SLC23A1: variants seen among roughly 807,000 people sequenced by gnomAD.
SLC23A1 encodes solute carrier family 23 member 1, also known as Na(+)/L-ascorbic acid transporter 1.
SLC23A1 carries 31 observed loss-of-function variants against 62.5 expected under a neutral mutation model. The ratio of observed to expected loss-of-function variants is 0.50; its 90% confidence interval spans 0.37 to 0.67. The LOEUF is 0.67. Ranked by LOEUF, SLC23A1 falls within the 30% of genes least tolerant of loss-of-function variation. The pLI is 0.00. For missense variants in SLC23A1, 640 were observed against 782.7 expected (o/e 0.82, Z 2.18); for synonymous variants, 271 against 313.2 (o/e 0.87, Z 1.42).
rs758944392 is a variant in SLC23A1, at chr5:139,378,695, AG to A, written c.1074-12del. The A allele has an allele frequency of 3.8e-6, 6 of 1,590,758 alleles. No individual in the cohort carries two copies. Among genetic ancestry groups the A allele is most frequent in the Non-Finnish European group, 5.1e-6 (6 of 1,166,012 alleles). On this transcript the variant is annotated splice_polypyrimidine_tract_variant and intron_variant, in intron 9 of 14. Coordinates refer to ENST00000348729, the MANE Select transcript of SLC23A1 (RefSeq NM_005847.5). The surrounding 1 kb of genome is among the most constrained non-coding windows in gnomAD (Gnocchi z 4.5). ...TCGGTGAAGATGCCCCTGTAAGGAA[AG>A]GGAGAGTCGGGGCTTGGTCCAGCCT... is the stretch of plus-strand genomic sequence containing the variant.
In SLC23A1 at chr5:139,383,276, G is replaced by T. The variant is rs1758381306; in HGVS notation, c.-23C>A. 2 of 1,604,548 alleles carry T rather than the reference G, an allele frequency of 1.2e-6. No homozygotes were observed. Among genetic ancestry groups the T allele is most frequent in the South Asian group, 2.2e-5 (2 of 89,092 alleles). On this transcript the variant is annotated 5_prime_UTR_variant, in exon 1 of 15. In the 5' UTR this introduces an upstream ATG that the reference lacks. Coordinates refer to ENST00000348729, the MANE Select transcript of SLC23A1 (RefSeq NM_005847.5). ...CATCTTTGGGGCACAGGTTTGAGCA[G>T]TTCCTGAGGAGAAGAGGGGATGACT...
chr5:139,372,160 A>G lies in SLC23A1; in HGVS notation c.1643T>C (p.Ile548Thr), dbSNP rs771499253. Reference protein sequence around the residue: ...SSSLKSYDFPIGMGIVKRITF... With the variant: ...SSSLKSYDFPTGMGIVKRITF... ...AATTCTTTTTACTATGCCCATCCCA[A>G]TGGGGAAATCGTAGCTCTTGAGGCT... The change falls in exon 14 of 15, where the codon ATT (isoleucine) becomes ACT (threonine). Residue 548 changes from isoleucine (I) to threonine (T), a missense_variant. Physicochemically the swap from Ile to Thr is moderately conservative, Grantham distance 89. Coordinates refer to ENST00000348729, the MANE Select transcript of SLC23A1 (RefSeq NM_005847.5). 17 of 1,613,694 alleles carry G rather than the reference A, an allele frequency of 1.1e-5. No homozygotes were observed. The highest frequency in any genetic ancestry group is 1.3e-5 in the African/African-American group (1 of 75,046).
At chr5:139,383,440 A>C, upstream of SLC23A1, 1 of 1,233,946 alleles carries the variant, frequency 8.1e-7, no homozygotes, top group Non-Finnish European at 1.0e-6. Context: ...AGGACAGTAA[A>C]AGCCACCCAA....
At chr5:139,385,035 G>A (rs1003047112), upstream of SLC23A1, among the ~76,000 whole-genome samples, 24 of 152,122 alleles carry the variant, frequency 1.6e-4, 1 homozygote, top group Admixed American at 1.3e-3. Context: ...CCGCCTCTCC[G>A]GTCCCCTAAG....
In SLC23A1 at chr5:139,382,588, G is replaced by A. The variant is rs1048854593; in HGVS notation, c.54C>T (p.Asp18=). The change falls in exon 2 of 15, where the codon GAC becomes GAT. Residue 18 remains aspartate, a synonymous_variant. Transcript: ENST00000348729. Reference sequence around the variant, plus strand: ...GCTCTGTGGGTAGCGGGGTCGAGGGGTCCCTGGTGGTTTCATGCTGGAGGC... The same window carrying A: ...GCTCTGTGGGTAGCGGGGTCGAGGGATCCCTGGTGGTTTCATGCTGGAGGC... ...EGRTQHETTR[D]PSTPLPTEPK... The A allele has an allele frequency of 6.2e-7, 1 of 1,612,112 alleles. No homozygotes were observed.
At chr5:139,381,151 G>C (rs145166898) in intron 3 of SLC23A1, among the ~76,000 whole-genome samples, 1 of 152,194 alleles carries the variant, frequency 6.6e-6, no homozygotes, top group Non-Finnish European at 1.5e-5. Context: ...GCACCTGCCC[G>C]GAAGTGGACA....
At chr5:139,383,945 G>C (rs1202125285), upstream of SLC23A1, among the ~76,000 whole-genome samples, 1 of 152,232 alleles carries the variant, frequency 6.6e-6, no homozygotes, top group Non-Finnish European at 1.5e-5. Flanking sequence ...TGCAGGCAGA[G>C]CTGCCTAGGC....
intron 13 of SLC23A1, among the ~76,000 whole-genome samples, chr5:139,372,954 G>A (rs1478173210): frequency 6.6e-6 from 1 of 152,152 alleles, no homozygotes; most frequent in Non-Finnish European, 1.5e-5. Context: ...TGAGTATGTG[G>A]TAATGTGTGT....
rs1302029299 is a variant in SLC23A1 at position 139,378,230 on chromosome 5, G to A, written c.1301C>T (p.Thr434Ile). Residue 434 changes from threonine to isoleucine, a missense_variant, in exon 11 of 15, where the codon ACT (threonine) becomes ATT (isoleucine). Physicochemically the swap from Thr to Ile is moderately conservative, Grantham distance 89. Transcript: ENST00000348729. This position sits in a 1 kb window ranked among gnomAD's most constrained non-coding sequence, Gnocchi z 4.5. ...PDPILGGMFC[T>I]LFGMITAVGL... ...CCGCGCCAGACACTCACCAAAGAGAGTGCAGAACATGCCCCCCAGGATGGG... is the reference window on the plus strand; with the variant it reads ...CCGCGCCAGACACTCACCAAAGAGAATGCAGAACATGCCCCCCAGGATGGG... The A allele has an allele frequency of 3.7e-6, 6 of 1,613,112 alleles. No homozygotes were observed. In the African/African-American group the frequency reaches 6.7e-5, roughly 18 times the overall value.
At chr5:139,374,023 C>CT (rs1757821359) in intron 13 of SLC23A1, among the ~76,000 whole-genome samples, 1 of 152,228 alleles carries the variant, frequency 6.6e-6, no homozygotes, top group Non-Finnish European at 1.5e-5. Context: ...CTCACCTACT[C>CT]TCCCTCATCA....
intron 13 of SLC23A1, among the ~76,000 whole-genome samples, chr5:139,374,399 T>G (rs1757841429): frequency 6.6e-6 from 1 of 152,168 alleles, no homozygotes; most frequent in South Asian, 2.1e-4. Flanking sequence ...ATTGCGCCAC[T>G]GCACTCCAGC....
chr5:139,370,543 G>A (rs1000685694), intron 14 of SLC23A1, among the ~76,000 whole-genome samples: 2 of 151,402 alleles, frequency 1.3e-5, no homozygotes, highest in African/African-American at 4.9e-5. Flanking sequence ...ACCAAGGCTG[G>A]AGTGCAGTCA....
At chr5:139,373,679 G>A (rs137961180) in intron 13 of SLC23A1, among the ~76,000 whole-genome samples, 1 of 152,304 alleles carries the variant, frequency 6.6e-6, no homozygotes, top group African/African-American at 2.4e-5. Flanking sequence ...AATCTCACAG[G>A]AGAGGGCACT....
chr5:139,375,197 C>T (rs77882624), intron 13 of SLC23A1, among the ~76,000 whole-genome samples: 6 of 152,184 alleles, frequency 3.9e-5, no homozygotes, highest in African/African-American at 1.4e-4. Context: ...GGAGGCCCAT[C>T]ATCTTGCTAC....
At chr5:139,368,636 T>TTG in intron 14 of SLC23A1, 1 of 794,588 alleles carries the variant, frequency 1.3e-6, no homozygotes, top group East Asian at 2.6e-5. Context: ...TCTTTTGTCT[T>TTG]TTTTTTTTTG....
chr5:139,367,986 G>C (rs552184471), intron 14 of SLC23A1, among the ~76,000 whole-genome samples: 9 of 151,770 alleles, frequency 5.9e-5, no homozygotes, highest in Non-Finnish European at 1.0e-4. Context: ...GGCAGATCAC[G>C]AGGTCAGATC....
Position 139,380,562 on chromosome 5 carries a change from C to G in SLC23A1, c.465+3G>C. 6.2e-7 allele frequency: 1 copy of G among 1,613,934 alleles called. No homozygotes were observed. Among genetic ancestry groups the G allele is most frequent in the Non-Finnish European group, 8.5e-7 (1 of 1,179,824 alleles). On this transcript the variant is annotated splice_donor_region_variant and intron_variant, in intron 5 of 14. Transcript: ENST00000348729. ...CCTCTTCTATGCTTACATGCAAACC[C>G]ACCTCCCGTATCCGTGGGTGCCAAA...
rs1758108375 is a variant in SLC23A1 at position 139,379,249 on chromosome 5, C to T, written c.1031G>A (p.Arg344His). Residue 344 changes from arginine (R) to histidine (H), a missense_variant, in exon 9 of 15, where the codon CGC becomes CAC. Arg to His is a conservative substitution (Grantham distance 29). Transcript: ENST00000348729. This position sits in a 1 kb window ranked among gnomAD's most constrained non-coding sequence, Gnocchi z 4.7. The part of the protein sequence containing the change: ...ESIGDYYACA[R>H]LAGAPPPPVH... ...TGGAGGGGGTGGTGCACCAGCCAGGCGGGCACAGGCGTAGTAATCTCCGAT... is the reference window on the plus strand; with the variant it reads ...TGGAGGGGGTGGTGCACCAGCCAGGTGGGCACAGGCGTAGTAATCTCCGAT... 5.6e-6 allele frequency: 9 copies of T among 1,614,032 alleles called. No individual in the cohort carries two copies. Among genetic ancestry groups the T allele is most frequent in the South Asian group, 1.1e-5 (1 of 91,086 alleles).
intron 13 of SLC23A1, among the ~76,000 whole-genome samples, chr5:139,375,302 C>T (rs534333298): frequency 6.6e-6 from 1 of 152,346 alleles, no homozygotes; most frequent in South Asian, 2.1e-4. Context: ...TGAAACCCTC[C>T]AGCAGAGGCA....
Sources: gnomAD v4.1 joint callset for allele counts (sites outside exome capture counted in the v4.1 genomes callset) on GRCh38, gnomAD v4.1.1 for gene constraint, Gnocchi (gnomAD v3.1) non-coding constraint, MANE v1.5 for transcripts, NCBI Gene and HGNC (gene_info 2026-07-23, HGNC 2026-07-21) for gene names.